PABPC4L: variants seen among roughly 807,000 people sequenced by gnomAD.
The protein encoded by PABPC4L is polyadenylate-binding protein 4-like.
For synonymous variants in PABPC4L, 169 were observed against 164.1 expected (o/e 1.03, Z -0.23); for missense variants, 452 against 451.4 (o/e 1.00, Z -0.01).
At chr4:133,965,776 G>T in the PABPC4L span, among the ~76,000 whole-genome samples, 1 of 152,112 alleles carries the variant, frequency 6.6e-6, no homozygotes, top group Non-Finnish European at 1.5e-5. Flanking sequence ...ATATGTAGGA[G>T]AATGAAACTG....
chr4:134,144,881 C>T, the PABPC4L span, among the ~76,000 whole-genome samples: 1 of 151,612 alleles, frequency 6.6e-6, no homozygotes, highest in African/African-American at 2.4e-5. Flanking sequence ...AAAATTCATG[C>T]TGACTTCTTT....
chr4:133,996,944 A>G, the PABPC4L span, among the ~76,000 whole-genome samples: 14 of 152,346 alleles, frequency 9.2e-5, no homozygotes, highest in Non-Finnish European at 2.9e-5. Context: ...ACAAATGTAG[A>G]TAAGTTTCTT....
the PABPC4L span, among the ~76,000 whole-genome samples, chr4:133,991,286 G>T: frequency 6.6e-6 from 1 of 152,126 alleles, no homozygotes; most frequent in Non-Finnish European, 1.5e-5. Flanking sequence ...TAGAATTTTA[G>T]TCTTAAGTTG....
chr4:134,191,823 C>T (rs1308719207), downstream of PABPC4L, among the ~76,000 whole-genome samples: 3 of 151,000 alleles, frequency 2.0e-5, no homozygotes, highest in African/African-American at 7.3e-5. Flanking sequence ...AGAAAATACA[C>T]ATAAAAAAGG....
At chr4:134,013,363 C>T in the PABPC4L span, among the ~76,000 whole-genome samples, 1 of 152,010 alleles carries the variant, frequency 6.6e-6, no homozygotes, top group Non-Finnish European at 1.5e-5. Flanking sequence ...CCCCCCACCT[C>T]TTCTCCGTGT....
chr4:134,097,912 T>C, the PABPC4L span, among the ~76,000 whole-genome samples: 1 of 151,890 alleles, frequency 6.6e-6, no homozygotes, highest in African/African-American at 2.4e-5. Context: ...TCCTGCGGTT[T>C]TGTCATTAGA....
the PABPC4L span, among the ~76,000 whole-genome samples, chr4:133,992,020 C>A: frequency 6.6e-5 from 10 of 152,062 alleles, no homozygotes; most frequent in Non-Finnish European, 2.9e-5. Context: ...ATGTCCCATG[C>A]CAGGTATTAA....
At chr4:133,986,549 A>G in the PABPC4L span, among the ~76,000 whole-genome samples, 1 of 152,168 alleles carries the variant, frequency 6.6e-6, no homozygotes, top group African/African-American at 2.4e-5. Context: ...AATGATCTAA[A>G]CACCTACAAA....
At chr4:134,004,566 G>A in the PABPC4L span, among the ~76,000 whole-genome samples, 1 of 151,774 alleles carries the variant, frequency 6.6e-6, no homozygotes, top group Non-Finnish European at 1.5e-5. Flanking sequence ...CAGTATGGAG[G>A]TTCCTCAGAA....
At chr4:133,964,100 G>T in the PABPC4L span, among the ~76,000 whole-genome samples, 2 of 151,930 alleles carry the variant, frequency 1.3e-5, no homozygotes, top group Non-Finnish European at 2.9e-5. Flanking sequence ...AAAGAAGAGA[G>T]AAAATCCAAA....
the PABPC4L span, among the ~76,000 whole-genome samples, chr4:134,102,070 T>C: frequency 6.6e-6 from 1 of 151,468 alleles, no homozygotes; most frequent in Non-Finnish European, 1.5e-5. Flanking sequence ...AGTTTTATTG[T>C]TCCTGCAAAT....
At chr4:134,036,133 A>G in the PABPC4L span, among the ~76,000 whole-genome samples, 8 of 152,212 alleles carry the variant, frequency 5.3e-5, no homozygotes, top group Admixed American at 5.2e-4. Context: ...TTCTTTGAAT[A>G]CTATGAATAA....
Position 134,197,942 on chromosome 4 carries a change from T to G in PABPC4L, c.*1965A>C. The G allele has an allele frequency of 6.6e-6, 1 of 151,770 alleles. No homozygotes were observed. The highest frequency in any genetic ancestry group is 1.9e-4 in the East Asian group (1 of 5,188). The allele number at this position is 151,770 out of a possible 1,614,324, so 9.4% of individuals were successfully genotyped here. A position where few individuals can be genotyped will look rare whatever the true frequency, so the allele number is the denominator to read the frequency against. ...ATTCTTTTTTAACCATTAATTCTAC[T>G]TCTAAACATTTTCTTAAGAAAATAG... On this transcript the variant is annotated 3_prime_UTR_variant, in exon 2 of 2. Coordinates refer to ENST00000421491, the MANE Select transcript of PABPC4L (RefSeq NM_001114734.2).
At chr4:133,963,688 C>A in the PABPC4L span, among the ~76,000 whole-genome samples, 2 of 152,016 alleles carry the variant, frequency 1.3e-5, no homozygotes, top group African/African-American at 4.8e-5. Context: ...TTCAAAGGCA[C>A]CTGCAAAACC....
At chr4:133,957,497 G>A in the PABPC4L span, among the ~76,000 whole-genome samples, 4 of 152,132 alleles carry the variant, frequency 2.6e-5, no homozygotes. Context: ...GCTTTTCCAG[G>A]AATATGGTGC....
At chr4:133,993,528 G>A in the PABPC4L span, among the ~76,000 whole-genome samples, 2 of 152,280 alleles carry the variant, frequency 1.3e-5, no homozygotes, top group South Asian at 4.1e-4. Context: ...ACATATCTAA[G>A]TTTTCCAAAT....
chr4:134,118,155 C>G, the PABPC4L span, among the ~76,000 whole-genome samples: 2 of 151,746 alleles, frequency 1.3e-5, no homozygotes, highest in East Asian at 3.9e-4. Context: ...TCAGTAGTGT[C>G]CTACCTTTGC....
chr4:134,152,957 A>C, the PABPC4L span, among the ~76,000 whole-genome samples: 2 of 152,046 alleles, frequency 1.3e-5, no homozygotes, highest in Admixed American at 6.6e-5. Flanking sequence ...GGGTGATGCT[A>C]GCTTATTTTT....
the PABPC4L span, among the ~76,000 whole-genome samples, chr4:134,076,302 G>A: frequency 7.2e-5 from 11 of 152,264 alleles, no homozygotes; most frequent in South Asian, 2.1e-3. Flanking sequence ...AGAAAGTTTA[G>A]ATTTTTATTA....
Sources: allele counts gnomAD v4.1 joint callset (sites outside exome capture counted in the v4.1 genomes callset), GRCh38; gene constraint gnomAD v4.1.1; transcripts MANE v1.5; gene names NCBI Gene and HGNC (gene_info 2026-07-23, HGNC 2026-07-21).